Variants in CNTFR observed in about 807,000 individuals in gnomAD.
The protein encoded by CNTFR is ciliary neurotrophic factor receptor subunit alpha.
In CNTFR, 12 loss-of-function variants were observed where a neutral mutation model predicts 40.4. The ratio of observed to expected loss-of-function variants is 0.30; its 90% CI spans 0.19 to 0.48. The LOEUF is 0.48. Ranked by LOEUF, CNTFR falls within the 20% of genes least tolerant of loss-of-function variation. The probability of loss-of-function intolerance (pLI) is 0.99; values close to 1 mark genes in which losing one functional copy is unlikely to be tolerated. For missense variants in CNTFR, 414 were observed against 506.8 expected (o/e 0.82, Z 1.76); for synonymous variants, 202 against 209.6 (o/e 0.96, Z 0.31).
intron 4 of CNTFR, among the ~76,000 whole-genome samples, chr9:34,562,394 G>A (rs965138003): frequency 1.3e-5 from 2 of 152,068 alleles, no homozygotes; most frequent in African/African-American, 2.4e-5. Context: ...GGTTTTGAAC[G>A]CCATCTCTTC....
At chr9:34,586,337 T>C (rs957086473) in intron 1 of CNTFR, among the ~76,000 whole-genome samples, 2 of 152,038 alleles carry the variant, frequency 1.3e-5, no homozygotes, top group African/African-American at 2.4e-5. Flanking sequence ...TCCCTACCCC[T>C]CCCCAGCCAG....
Position 34,557,196 on chromosome 9 carries a change from G to GC in CNTFR, c.604+329_604+330insG, listed in dbSNP as rs1245550103. Among the ~76,000 whole-genome samples, 1 of 151,578 alleles carries GC rather than the reference G, an allele frequency of 6.6e-6. No homozygotes were observed. Among genetic ancestry groups the GC allele is most frequent in the Non-Finnish European group, 1.5e-5 (1 of 67,804 alleles). On this transcript the variant is annotated intron_variant, in intron 6 of 9. Transcript: ENST00000378980. The surrounding 1 kb of genome is among the most constrained non-coding windows in gnomAD (Gnocchi z 4.2). ...CCGTAAGGAAGCCATTAGAGTTGGGGGGGGGTGCGGTGGAGGCTGCAGCTG... is the reference window on the plus strand; with the variant it reads ...CCGTAAGGAAGCCATTAGAGTTGGGGCGGGGGTGCGGTGGAGGCTGCAGCTG...
intron 4 of CNTFR, among the ~76,000 whole-genome samples, chr9:34,560,924 G>T (rs1333534939): frequency 6.6e-6 from 1 of 152,120 alleles, no homozygotes; most frequent in Non-Finnish European, 1.5e-5. Flanking sequence ...CTCTCATCTC[G>T]CCAGCCTGCC....
rs114269609 is a variant in CNTFR at position 34,586,951 on chromosome 9, T to A, written c.-112+2604A>T. Among the ~76,000 whole-genome samples the A allele has an allele frequency of 1.5e-3, 233 of 152,340 alleles. 2 individuals carry two copies. The highest frequency in any genetic ancestry group is 5.5e-3 in the African/African-American group (230 of 41,578). On this transcript the variant is annotated intron_variant, in intron 1 of 9. Coordinates refer to ENST00000378980, the MANE Select transcript of CNTFR (RefSeq NM_147164.3). ...CATGGGCATATCTGACCATGAGTCC[T>A]AAGTTCCACTGGGATTGTGAATGCC...
At chr9:34,585,332 G>T (rs1429545626) in intron 1 of CNTFR, among the ~76,000 whole-genome samples, 1 of 152,126 alleles carries the variant, frequency 6.6e-6, no homozygotes, top group African/African-American at 2.4e-5. Flanking sequence ...GACTACCCTG[G>T]GGTCTGGAGA....
chr9:34,558,074 C>G lies in CNTFR; in HGVS notation c.320-90G>C, dbSNP rs1442725011. On this transcript the variant is annotated intron_variant, in intron 4 of 9. Coordinates refer to ENST00000378980, the MANE Select transcript of CNTFR (RefSeq NM_147164.3). The stretch of plus-strand genomic sequence containing the variant: ...ACAGGTGGGCCCCAGAGCCCCAGCT[C>G]TCCCCCCTCAACCCATCATTGATGC... 24 of 942,348 alleles carry G rather than the reference C, an allele frequency of 2.5e-5. No homozygotes were observed. The East Asian group carries it at 4.5e-4, about 18-fold the overall frequency. The allele number at this position is 942,348 out of a possible 1,614,324, so 58.4% of individuals were successfully genotyped here.
intron 3 of CNTFR, among the ~76,000 whole-genome samples, chr9:34,566,281 A>G (rs1311757930): frequency 1.3e-5 from 2 of 151,936 alleles, no homozygotes; most frequent in African/African-American, 4.8e-5. Flanking sequence ...CTCGCTGCCT[A>G]TCTCTATCCT....
At chr9:34,578,346 TTGTC>T (rs1827100872) in intron 2 of CNTFR, among the ~76,000 whole-genome samples, 1 of 152,066 alleles carries the variant, frequency 6.6e-6, no homozygotes, top group Admixed American at 6.5e-5. Context: ...TTGAATCTAA[TTGTC>T]TGAGTCAGGA....
intron 4 of CNTFR, among the ~76,000 whole-genome samples, chr9:34,560,943 A>G (rs1008257901): frequency 6.6e-6 from 1 of 152,154 alleles, no homozygotes; most frequent in Non-Finnish European, 1.5e-5. Flanking sequence ...CCTGGGCTGG[A>G]GCCCCCGGCA....
rs73486508 is a variant in CNTFR at position 34,559,614 on chromosome 9, C to T, written c.320-1630G>A. On this transcript the variant is annotated intron_variant, in intron 4 of 9. Coordinates refer to ENST00000378980, the MANE Select transcript of CNTFR (RefSeq NM_147164.3). ...TCTGCCCACGGGTGCAGAACTCTGC[C>T]TGGGGGTGGGGTGGGGGGCGGCCAA... is the stretch of plus-strand genomic sequence containing the variant. 5.1e-3 allele frequency among the ~76,000 whole-genome samples: 772 copies of T among 152,112 alleles called. 7 individuals carry two copies. Among genetic ancestry groups the T allele is most frequent in the African/African-American group, 0.018 (736 of 41,478 alleles).
In CNTFR at chr9:34,564,795, G is replaced by A. The variant is rs369796098; in HGVS notation, c.123C>T (p.Asp41=). The A allele has an allele frequency of 4.9e-4, 789 of 1,614,016 alleles. No homozygotes were observed. The highest frequency in any genetic ancestry group is 6.3e-4 in the Non-Finnish European group (745 of 1,180,000). The change falls in exon 4 of 10, where the codon GAC becomes GAT. Residue 41 remains aspartate (D), a synonymous_variant. Coordinates refer to ENST00000378980, the MANE Select transcript of CNTFR (RefSeq NM_147164.3). ...PHVQYERLGS[D]VTLPCGTANW... is the part of the protein sequence containing the mutation. The stretch of plus-strand genomic sequence containing the variant: ...TTGCTGTCCCACATGGCAGTGTCAC[G>A]TCAGAGCCCAGGCGCTCGTACTGCA...
rs371654955 is a variant in CNTFR, at chr9:34,552,081, C to G, written c.*-10G>C. 5.9e-5 allele frequency: 93 copies of G among 1,567,228 alleles called. No homozygotes were observed. The highest frequency in any genetic ancestry group is 1.8e-4 in the Middle Eastern group (1 of 5,440). ...CATGGGGTGCCGGGCTCTGTAGAGACAGGCAGGGGCCTGTCAGGGAGGGGG... is the reference window on the plus strand; with the variant it reads ...CATGGGGTGCCGGGCTCTGTAGAGAGAGGCAGGGGCCTGTCAGGGAGGGGG... On this transcript the variant is annotated splice_polypyrimidine_tract_variant and intron_variant, in intron 9 of 9. Coordinates refer to ENST00000378980, the MANE Select transcript of CNTFR (RefSeq NM_147164.3). This position sits in a 1 kb window ranked among gnomAD's most constrained non-coding sequence, Gnocchi z 5.1.
intron 1 of CNTFR, among the ~76,000 whole-genome samples, chr9:34,584,299 C>A (rs1827451538): frequency 6.6e-6 from 1 of 152,222 alleles, no homozygotes; most frequent in Admixed American, 6.5e-5. Context: ...TTTTATAAAT[C>A]TTTGCTCCAT....
At chr9:34,558,619 C>T (rs1825946965) in intron 4 of CNTFR, among the ~76,000 whole-genome samples, 1 of 152,130 alleles carries the variant, frequency 6.6e-6, no homozygotes, top group African/African-American at 2.4e-5. Context: ...AGCAGCTATG[C>T]GGATGTGTGT....
chr9:34,569,763 A>G (rs1478219077), intron 2 of CNTFR: 1 of 152,240 alleles, frequency 6.6e-6, no homozygotes, highest in Admixed American at 6.5e-5. Flanking sequence ...CCTTGTCAGG[A>G]ACCCCGGCCC....
chr9:34,558,805 AGAGAGG>A (rs1825953867), intron 4 of CNTFR, among the ~76,000 whole-genome samples: 1 of 152,216 alleles, frequency 6.6e-6, no homozygotes, highest in African/African-American at 2.4e-5. Flanking sequence ...AGGAAGGCCC[AGAGAGG>A]GATAAGGACC....
chr9:34,567,201 A>C (rs955759291), intron 3 of CNTFR, among the ~76,000 whole-genome samples: 1 of 152,008 alleles, frequency 6.6e-6, no homozygotes, highest in African/African-American at 2.4e-5. Context: ...CTTGGCCCTG[A>C]AGCGGTGACA....
intron 2 of CNTFR, among the ~76,000 whole-genome samples, chr9:34,575,603 C>T (rs1826912518): frequency 6.6e-6 from 1 of 152,032 alleles, no homozygotes; most frequent in Non-Finnish European, 1.5e-5. Flanking sequence ...GGCCCCATCA[C>T]TGCTATGGTG....
chr9:34,590,716 C>A (rs1587189924), upstream of CNTFR, among the ~76,000 whole-genome samples: 3 of 152,352 alleles, frequency 2.0e-5, no homozygotes, highest in East Asian at 3.9e-4. Context: ...GAGGCTCACT[C>A]CCTTCGCAGC....
Sources: gnomAD v4.1 joint callset for allele counts (sites outside exome capture counted in the v4.1 genomes callset) on GRCh38, gnomAD v4.1.1 for gene constraint, Gnocchi (gnomAD v3.1) non-coding constraint, MANE v1.5 for transcripts, NCBI Gene and HGNC (gene_info 2026-07-23, HGNC 2026-07-21) for gene names.